The following CNTN5 variants were observed in gnomAD, a reference collection of about 807,000 sequenced individuals.
CNTN5 encodes the protein contactin 5, also known as contactin-5.
In CNTN5, 77 loss-of-function variants were observed where a neutral mutation model predicts 129.1. The observed-to-expected ratio is 0.60, with a 90% CI of 0.50 to 0.72. The LOEUF (loss-of-function observed/expected upper bound fraction) is 0.72. Among genes scored for constraint, CNTN5 ranks in the 30% least tolerant of loss-of-function variants. The pLI, the probability that CNTN5 is intolerant of heterozygous loss-of-function variation, is 0.00. For synonymous variants in CNTN5, 509 were observed against 465.6 expected (o/e 1.09, Z -1.20); for missense variants, 1,478 against 1,328.8 (o/e 1.11, Z -1.75).
At chr11:99,188,961 T>A (rs980162667) in intron 1 of CNTN5, among the ~76,000 whole-genome samples, 1 of 151,876 alleles carries the variant, frequency 6.6e-6, no homozygotes, top group East Asian at 1.9e-4. Flanking sequence ...TTCCCCCTTT[T>A]TAATTGAAAC....
intron 2 of CNTN5, among the ~76,000 whole-genome samples, chr11:99,534,953 T>G (rs1947848424): frequency 6.6e-6 from 1 of 152,096 alleles, no homozygotes; most frequent in South Asian, 2.1e-4. Flanking sequence ...TTCAGAGAAC[T>G]GAAAGAAGGC....
At chr11:100,291,293 A>T (rs1591483522) in intron 18 of CNTN5, among the ~76,000 whole-genome samples, 1 of 151,986 alleles carries the variant, frequency 6.6e-6, no homozygotes, top group African/African-American at 2.4e-5. Context: ...ATGCTGCTAT[A>T]AAGACACATG....
chr11:99,803,239 G>T (rs1273780155), intron 3 of CNTN5, among the ~76,000 whole-genome samples: 2 of 152,212 alleles, frequency 1.3e-5, no homozygotes, highest in Non-Finnish European at 2.9e-5. Context: ...AAGGGAGTCA[G>T]TTGGAACACC....
At chr11:99,346,645 A>G (rs938296118) in intron 2 of CNTN5, among the ~76,000 whole-genome samples, 1 of 152,178 alleles carries the variant, frequency 6.6e-6, no homozygotes, top group Non-Finnish European at 1.5e-5. Flanking sequence ...GAATGTTTGC[A>G]TTTCTCCAAA....
chr11:100,066,699 C>T (rs940342900), intron 10 of CNTN5, among the ~76,000 whole-genome samples: 10 of 151,872 alleles, frequency 6.6e-5, no homozygotes, highest in Admixed American at 3.3e-4. Context: ...TTAAATGTGG[C>T]CCAACCTGTG....
intron 2 of CNTN5, among the ~76,000 whole-genome samples, chr11:99,501,437 A>G (rs1452227362): frequency 6.6e-6 from 1 of 152,208 alleles, no homozygotes. Flanking sequence ...ATTTGAAATA[A>G]CTACTTCCTC....
At chr11:100,351,946 T>A (rs943198365) in intron 24 of CNTN5, among the ~76,000 whole-genome samples, 2 of 151,520 alleles carry the variant, frequency 1.3e-5, no homozygotes, top group Non-Finnish European at 1.5e-5. Flanking sequence ...GGGAGATAAA[T>A]ACAGTGTAGA....
intron 3 of CNTN5, among the ~76,000 whole-genome samples, chr11:99,649,231 G>A (rs779091889): frequency 7.9e-5 from 12 of 151,326 alleles, no homozygotes; most frequent in South Asian, 2.1e-4. Context: ...AAATTATTTC[G>A]CATGTTTATA....
chr11:100,127,999 C>T (rs1006272405), intron 13 of CNTN5, among the ~76,000 whole-genome samples: 3 of 152,120 alleles, frequency 2.0e-5, no homozygotes. Flanking sequence ...ATAATGGCTA[C>T]TCTGAGTCCT....
intron 2 of CNTN5, among the ~76,000 whole-genome samples, chr11:99,520,094 A>T (rs1947218161): frequency 6.6e-6 from 1 of 152,144 alleles, no homozygotes; most frequent in African/African-American, 2.4e-5. Flanking sequence ...CTTTTATAGC[A>T]CATGAGAATT....
intron 4 of CNTN5, among the ~76,000 whole-genome samples, chr11:99,828,007 C>T (rs1262410260): frequency 2.2e-5 from 3 of 136,976 alleles, no homozygotes; most frequent in Non-Finnish European, 5.1e-5. Context: ...TACATTAACT[C>T]ATCACAAGAG....
intron 4 of CNTN5, among the ~76,000 whole-genome samples, chr11:99,828,419 G>C (rs1204573822): frequency 6.6e-6 from 1 of 152,134 alleles, no homozygotes; most frequent in Admixed American, 6.6e-5. Context: ...TTCGTGCTGT[G>C]TCATCATATG....
At chr11:100,130,201 C>A (rs1946329665) in intron 13 of CNTN5, among the ~76,000 whole-genome samples, 1 of 152,108 alleles carries the variant, frequency 6.6e-6, no homozygotes, top group African/African-American at 2.4e-5. Context: ...TCAAACACTT[C>A]AAAGACACAG....
At chr11:99,849,794 A>G (rs1430327654) in intron 6 of CNTN5, among the ~76,000 whole-genome samples, 1 of 152,122 alleles carries the variant, frequency 6.6e-6, no homozygotes, top group African/African-American at 2.4e-5. Context: ...ATGTTGTAAA[A>G]TGTAAATTCA....
chr11:99,911,948 A>T (rs531408577), intron 6 of CNTN5, among the ~76,000 whole-genome samples: 1 of 152,150 alleles, frequency 6.6e-6, no homozygotes, highest in East Asian at 1.9e-4. Context: ...TATATAGTGT[A>T]TATTCCTAAA....
At chr11:99,054,319 A>AT (rs1356962818) in intron 1 of CNTN5, among the ~76,000 whole-genome samples, 1 of 151,892 alleles carries the variant, frequency 6.6e-6, no homozygotes, top group Non-Finnish European at 1.5e-5. Flanking sequence ...AGAAAAAAAA[A>AT]GCTCTCAAGG....
intron 9 of CNTN5, among the ~76,000 whole-genome samples, chr11:100,021,667 T>C (rs1941157098): frequency 6.7e-6 from 1 of 149,730 alleles, no homozygotes; most frequent in Non-Finnish European, 1.5e-5. Flanking sequence ...ATAGGATGTA[T>C]GTATATATGA....
chr11:99,147,677 G>A (rs1859854414), intron 1 of CNTN5, among the ~76,000 whole-genome samples: 1 of 152,066 alleles, frequency 6.6e-6, no homozygotes, highest in Non-Finnish European at 1.5e-5. Flanking sequence ...GCTGCTGATT[G>A]TGATTATTTA....
At chr11:99,742,719 T>A (rs1943924996) in intron 3 of CNTN5, among the ~76,000 whole-genome samples, 1 of 152,164 alleles carries the variant, frequency 6.6e-6, no homozygotes, top group Admixed American at 6.6e-5. Context: ...TTACGCTGGA[T>A]CCTAAAATCT....
Sources: gnomAD v4.1 joint callset for allele counts (sites outside exome capture counted in the v4.1 genomes callset) on GRCh38, gnomAD v4.1.1 for gene constraint, MANE v1.5 for transcripts, NCBI Gene and HGNC (gene_info 2026-07-23, HGNC 2026-07-21) for gene names.